Variants in UBQLN1 observed in about 807,000 individuals in gnomAD.
UBQLN1 encodes ubiquilin 1, also known as ubiquilin-1.
In UBQLN1, 13 loss-of-function variants were observed where a neutral mutation model predicts 65.4. That is an observed-to-expected ratio of 0.20 (90% CI 0.13 to 0.32). The LOEUF (loss-of-function observed/expected upper bound fraction) is 0.32. UBQLN1 is among the 10% of genes least tolerant of loss of function. The probability of loss-of-function intolerance (pLI) is 1.00; values close to 1 mark genes in which losing one functional copy is unlikely to be tolerated. For missense variants in UBQLN1, 561 were observed against 724.0 expected, an observed-to-expected ratio of 0.77 and a Z score of 2.58; for synonymous variants, 267 against 247.8, an observed-to-expected ratio of 1.08 and a Z score of -0.73.
chr9:83,698,198 G>A (rs1427999158), intron 1 of UBQLN1, among the ~76,000 whole-genome samples: 1 of 152,128 alleles, frequency 6.6e-6, no homozygotes, highest in Non-Finnish European at 1.5e-5. Context: ...GTTCAAAAAG[G>A]GGAAGAAAGA....
At chr9:83,693,443 G>C (rs188468494) in intron 1 of UBQLN1, among the ~76,000 whole-genome samples, 131 of 150,026 alleles carry the variant, frequency 8.7e-4, no homozygotes, top group Non-Finnish European at 1.7e-3. Context: ...AAGGTATCTT[G>C]TATCTGCCTT....
chr9:83,673,728 G>A (rs1831779731), intron 6 of UBQLN1, among the ~76,000 whole-genome samples: 1 of 151,912 alleles, frequency 6.6e-6, no homozygotes, highest in Non-Finnish European at 1.5e-5. Context: ...ATTGTCTATG[G>A]GTGTTTTGCA....
Position 83,679,858 on chromosome 9 carries a change from T to C in UBQLN1, c.628A>G (p.Met210Val). The change falls in exon 4 of 11, where the codon ATG becomes GTG. Residue 210 changes from methionine (M) to valine (V), a missense_variant. Around this residue, in one of 8 missense-constraint regions of UBQLN1, gnomAD observed 75 missense variants for 138.9 expected, o/e 0.54. Coordinates refer to ENST00000376395, the MANE Select transcript of UBQLN1 (RefSeq NM_013438.5). Reference protein sequence around the residue: ...SNPDLMRQLIMANPQMQQLIQ... With the variant: ...SNPDLMRQLIVANPQMQQLIQ... ...AACTGCTGCATTTGTGGATTGGCCA[T>C]AATTAACTGTCTCATCAGGTCAGGA... 1.2e-6 allele frequency: 2 copies of C among 1,614,200 alleles called. No homozygotes were observed. Among genetic ancestry groups the C allele is most frequent in the Non-Finnish European group, 1.7e-6 (2 of 1,180,020 alleles).
chr9:83,705,490 G>A (rs546854526), intron 1 of UBQLN1, among the ~76,000 whole-genome samples: 63 of 152,240 alleles, frequency 4.1e-4, no homozygotes, highest in Middle Eastern at 3.4e-3. Flanking sequence ...CAATCCACCC[G>A]CCTCGGCCTC....
chr9:83,678,416 C>G (rs774124189), intron 5 of UBQLN1, 25 bp downstream of exon 5: 1 of 1,599,322 alleles, frequency 6.3e-7, no homozygotes, highest in Admixed American at 1.7e-5. Flanking sequence ...ACTCCTTGGC[C>G]TGAACCTTGG....
At chr9:83,685,677 C>T (rs1297963858) in intron 2 of UBQLN1, among the ~76,000 whole-genome samples, 1 of 150,908 alleles carries the variant, frequency 6.6e-6, no homozygotes, top group African/African-American at 2.4e-5. Flanking sequence ...TCGTGGTTTG[C>T]TAAGGAGATA....
Position 83,661,632 on chromosome 9 carries a change from C to G in UBQLN1, c.*155G>C, listed in dbSNP as rs1831562568. The G allele has an allele frequency of 2.9e-6, 2 of 695,060 alleles. No individual in the cohort carries two copies. The highest frequency in any genetic ancestry group is 7.4e-5 in the South Asian group (2 of 26,902). The allele number at this position is 695,060 out of a possible 1,614,324, so 43.1% of individuals were successfully genotyped here. ...GAAAAGAAAAATACAGAAAAACCCA[C>G]ACATCTTACTGTACTCCACCTTAAA... On this transcript the variant is annotated 3_prime_UTR_variant, in exon 11 of 11. Coordinates refer to ENST00000376395, the MANE Select transcript of UBQLN1 (RefSeq NM_013438.5).
At chr9:83,668,609 C>G (rs1831680840) in intron 7 of UBQLN1, 2 of 985,306 alleles carry the variant, frequency 2.0e-6, no homozygotes, top group African/African-American at 3.5e-5. Flanking sequence ...CATTAAGATC[C>G]CCAATTTTCT....
rs11140219 is a variant in UBQLN1, at chr9:83,701,989, G to C, written c.180+5511C>G. Among the ~76,000 whole-genome samples, 1,266 of 152,282 alleles carry C rather than the reference G, an allele frequency of 8.3e-3. 36 individuals carry two copies. Among genetic ancestry groups the C allele is most frequent in the East Asian group, 0.046 (238 of 5,190 alleles). ...TGGAATGTTATTCGGCAATAAAAAG[G>C]AAGTAAGTACCGGCACATGCTTCAA... On this transcript the variant is annotated intron_variant, in intron 1 of 10. Coordinates refer to ENST00000376395, the MANE Select transcript of UBQLN1 (RefSeq NM_013438.5).
intron 1 of UBQLN1, among the ~76,000 whole-genome samples, chr9:83,699,336 G>A (rs1393610950): frequency 6.6e-6 from 1 of 152,130 alleles, no homozygotes; most frequent in African/African-American, 2.4e-5. Flanking sequence ...TACATATGTG[G>A]CTCATACTGT....
chr9:83,691,665 C>A (rs1418920896), intron 1 of UBQLN1, among the ~76,000 whole-genome samples: 2 of 152,224 alleles, frequency 1.3e-5, no homozygotes, highest in African/African-American at 4.8e-5. Flanking sequence ...TCACTCCTTA[C>A]AACAAAACCT....
At chr9:83,665,806 A>G (rs1831634739) in intron 8 of UBQLN1, among the ~76,000 whole-genome samples, 1 of 152,202 alleles carries the variant, frequency 6.6e-6, no homozygotes, top group African/African-American at 2.4e-5. Context: ...GTTTTAAATA[A>G]TAAAATACCA....
intron 1 of UBQLN1, among the ~76,000 whole-genome samples, chr9:83,687,045 T>G (rs1832052547): frequency 6.6e-6 from 1 of 151,966 alleles, no homozygotes; most frequent in African/African-American, 2.4e-5. Flanking sequence ...TCCCACTTAC[T>G]TTATTCAATA....
chr9:83,697,604 G>A lies in UBQLN1; in HGVS notation c.180+9896C>T, dbSNP rs564445227. On this transcript the variant is annotated intron_variant, in intron 1 of 10. Transcript: ENST00000376395. Reference sequence around the variant, plus strand: ...ACAGTTTCCCTCTGTCGCCCAGGCTGGACTGCAGTGGCAAGATCTCAGCTC... The same window carrying A: ...ACAGTTTCCCTCTGTCGCCCAGGCTAGACTGCAGTGGCAAGATCTCAGCTC... Among the ~76,000 whole-genome samples, 5 of 148,208 alleles carry A rather than the reference G, an allele frequency of 3.4e-5. No individual in the cohort carries two copies. The East Asian group carries it at 9.9e-4, about 29-fold the overall frequency.
chr9:83,697,784 T>C (rs1832244491), intron 1 of UBQLN1, among the ~76,000 whole-genome samples: 1 of 135,800 alleles, frequency 7.4e-6, no homozygotes, highest in East Asian at 2.3e-4. Flanking sequence ...TCCCACAGGC[T>C]GGAGTGCGAT....
At chr9:83,673,368 G>A (rs1342316518) in intron 6 of UBQLN1, among the ~76,000 whole-genome samples, 2 of 151,796 alleles carry the variant, frequency 1.3e-5, no homozygotes, top group Non-Finnish European at 2.9e-5. Flanking sequence ...GTGAAACACT[G>A]TCTCTACTAA....
chr9:83,662,366 TA>T (rs1352354703), intron 10 of UBQLN1, among the ~76,000 whole-genome samples: 5 of 151,956 alleles, frequency 3.3e-5, no homozygotes, highest in African/African-American at 1.2e-4. Context: ...TGAGTAACTA[TA>T]AAAGCTGGTA....
intron 6 of UBQLN1, among the ~76,000 whole-genome samples, chr9:83,671,139 T>G (rs1251258996): frequency 1.3e-5 from 2 of 152,190 alleles, no homozygotes; most frequent in Non-Finnish European, 2.9e-5. Flanking sequence ...CAGGCTCCAC[T>G]TCACATTCTA....
rs552021909 is a variant in UBQLN1, at chr9:83,668,030, T to C, written c.1248+1155A>G. On this transcript the variant is annotated intron_variant, in intron 7 of 10. Transcript: ENST00000376395. ...TCAAATTTTAAAAGCAAGATGCACA[T>C]TCAGTATTAGCCAAATACACACTTA... The C allele has an allele frequency of 3.0e-6, 3 of 985,416 alleles. No individual in the cohort carries two copies. In the South Asian group the frequency reaches 1.4e-4, roughly 46 times the overall value. The allele number at this position is 985,416 out of a possible 1,614,324, so 61.0% of individuals were successfully genotyped here. A position where few individuals can be genotyped will look rare whatever the true frequency, so the allele number is the denominator to read the frequency against.
Sources: allele counts gnomAD v4.1 joint callset (sites outside exome capture counted in the v4.1 genomes callset), GRCh38; gene constraint gnomAD v4.1.1; regional missense constraint gnomAD v4.1.1; transcripts MANE v1.5; gene names NCBI Gene and HGNC (gene_info 2026-07-23, HGNC 2026-07-21).